The following DAB1 variants were observed in gnomAD, a reference collection of about 807,000 sequenced individuals.
The protein encoded by DAB1 is DAB adaptor protein 1, also known as disabled homolog 1.
A neutral mutation model predicts 64.6 loss-of-function variants in DAB1; 15 were observed. That is an observed-to-expected ratio of 0.23 (90% confidence interval 0.16 to 0.36). The LOEUF (loss-of-function observed/expected upper bound fraction) is 0.36, where lower values mean the gene tolerates loss of function less well. DAB1 is among the 10% of genes least tolerant of loss of function. DAB1 has a pLI of 1.00. For synonymous variants in DAB1, 235 were observed against 251.9 expected (o/e 0.93, Z 0.64); for missense variants, 596 against 706.7 (o/e 0.84, Z 1.78).
chr1:57,516,014 G>C (rs570006815), intron 7 of DAB1, among the ~76,000 whole-genome samples: 1 of 152,290 alleles, frequency 6.6e-6, no homozygotes, highest in South Asian at 2.1e-4. Flanking sequence ...AGTTGAATAC[G>C]TAAGTCATTT....
At chr1:58,082,371 A>G (rs532641615) in intron 5 of DAB1, among the ~76,000 whole-genome samples, 7 of 152,242 alleles carry the variant, frequency 4.6e-5, no homozygotes, top group African/African-American at 7.2e-5. Flanking sequence ...TAAGCATTAA[A>G]TGACTTATTA....
At chr1:58,543,009 C>G (rs937478830) in intron 1 of DAB1, among the ~76,000 whole-genome samples, 3 of 151,264 alleles carry the variant, frequency 2.0e-5, no homozygotes, top group Non-Finnish European at 4.4e-5. Context: ...AAAAGTGGAT[C>G]CACAGAAAAG....
At chr1:57,788,472 G>A (rs1025226161) in intron 6 of DAB1, among the ~76,000 whole-genome samples, 1 of 152,194 alleles carries the variant, frequency 6.6e-6, no homozygotes, top group Non-Finnish European at 1.5e-5. Context: ...TTCTACAAAA[G>A]GCAAAACTGT....
chr1:57,498,042 T>C (rs1200531251), intron 7 of DAB1, among the ~76,000 whole-genome samples: 1 of 152,180 alleles, frequency 6.6e-6, no homozygotes, highest in Non-Finnish European at 1.5e-5. Context: ...GATGAATGGA[T>C]GGATCAAGGT....
rs778551246 is a variant in DAB1 at position 57,187,279 on chromosome 1, A to AT, written c.68-41851dup. The stretch of plus-strand genomic sequence containing the variant: ...ACAACCAATAGGATCTCATTGCATG[A>AT]TTTTTTCTATTACCTATTTCCTTGC... On this transcript the variant is annotated intron_variant, in intron 2 of 14. Transcript: ENST00000371236. Among the ~76,000 whole-genome samples the AT allele has an allele frequency of 2.0e-4, 31 of 152,084 alleles. 2 individuals carry two copies. The highest frequency in any genetic ancestry group is 1.4e-3 in the Admixed American group (22 of 15,274).
chr1:58,161,683 A>C (rs1258310746), intron 4 of DAB1, among the ~76,000 whole-genome samples: 9 of 152,178 alleles, frequency 5.9e-5, no homozygotes, highest in Admixed American at 6.5e-5. Context: ...ACAAGTAAAT[A>C]CTGTCATCAT....
At chr1:57,507,508 A>G (rs1391589721) in intron 7 of DAB1, among the ~76,000 whole-genome samples, 1 of 152,138 alleles carries the variant, frequency 6.6e-6, no homozygotes, top group Non-Finnish European at 1.5e-5. Flanking sequence ...CAGGGTTTAC[A>G]TGTTTGGTGA....
chr1:58,038,822 A>C (rs1247018911), intron 5 of DAB1, among the ~76,000 whole-genome samples: 1 of 152,226 alleles, frequency 6.6e-6, no homozygotes, highest in Non-Finnish European at 1.5e-5. Context: ...TGCAAAGCTT[A>C]ATACATGTAG....
At chr1:58,097,361 T>A (rs912311109) in intron 5 of DAB1, among the ~76,000 whole-genome samples, 2 of 152,214 alleles carry the variant, frequency 1.3e-5, no homozygotes, top group Admixed American at 6.5e-5. Flanking sequence ...TCTGCCCTCA[T>A]GGAGCTTCCA....
intron 1 of DAB1, among the ~76,000 whole-genome samples, chr1:58,546,440 A>G (rs901669279): frequency 5.9e-5 from 9 of 151,692 alleles, no homozygotes; most frequent in African/African-American, 2.2e-4. Context: ...TGCCCCGGGC[A>G]AGGCTAGGGG....
At chr1:57,207,871 G>C (rs1277288153) in intron 2 of DAB1, among the ~76,000 whole-genome samples, 5 of 152,136 alleles carry the variant, frequency 3.3e-5, no homozygotes, top group Admixed American at 3.3e-4. Flanking sequence ...GTTTAATAAA[G>C]GCTCAGTTCA....
chr1:57,501,737 G>A (rs1644291810), intron 7 of DAB1, among the ~76,000 whole-genome samples: 1 of 152,142 alleles, frequency 6.6e-6, no homozygotes, highest in African/African-American at 2.4e-5. Context: ...AAAACAGCTG[G>A]AGAAAAGGCA....
At chr1:58,385,869 C>G (rs1269733196) in intron 3 of DAB1, among the ~76,000 whole-genome samples, 2 of 152,194 alleles carry the variant, frequency 1.3e-5, no homozygotes, top group Admixed American at 1.3e-4. Flanking sequence ...CTGCGTTAAT[C>G]AAATGTCAGA....
chr1:58,480,440 A>C (rs575596281), intron 3 of DAB1, among the ~76,000 whole-genome samples: 1 of 152,240 alleles, frequency 6.6e-6, no homozygotes, highest in Admixed American at 6.5e-5. Flanking sequence ...CCCTATGAAA[A>C]TGGCTTCTGC....
intron 1 of DAB1, among the ~76,000 whole-genome samples, chr1:57,298,181 A>G (rs1415413545): frequency 6.6e-6 from 1 of 152,120 alleles, no homozygotes; most frequent in Non-Finnish European, 1.5e-5. Context: ...CAATTTGGAA[A>G]AGGCCTAAAA....
intron 1 of DAB1, among the ~76,000 whole-genome samples, chr1:57,871,351 A>T (rs1053508932): frequency 6.6e-6 from 1 of 152,180 alleles, no homozygotes; most frequent in African/African-American, 2.4e-5. Flanking sequence ...TTATTTAATT[A>T]TCACATCAAT....
At chr1:58,165,424 T>C (rs1487249771) in intron 4 of DAB1, among the ~76,000 whole-genome samples, 1 of 152,134 alleles carries the variant, frequency 6.6e-6, no homozygotes, top group East Asian at 1.9e-4. Context: ...GTACATCCTT[T>C]TATCAGTCTG....
At position 57,551,955 on chromosome 1, in the gene DAB1, A is replaced by T. The variant is rs566627136; in HGVS notation, n.625+97637T>A. Reference sequence around the variant, plus strand: ...GAATGACTTCCCCTAGCAGAAAAAAATGCATTCACACTTTCAAACCAAGAG... The same window carrying T: ...GAATGACTTCCCCTAGCAGAAAAAATTGCATTCACACTTTCAAACCAAGAG... On this transcript the variant is annotated intron_variant and non_coding_transcript_variant, in intron 7 of 20. Transcript: ENST00000485760. Among the ~76,000 whole-genome samples, 3 of 152,312 alleles carry T rather than the reference A, an allele frequency of 2.0e-5. No individual in the cohort carries two copies. In the East Asian group the frequency reaches 5.8e-4, roughly 29 times the overall value.
chr1:57,381,009 G>A (rs567116639), intron 1 of DAB1, among the ~76,000 whole-genome samples: 1 of 152,132 alleles, frequency 6.6e-6, no homozygotes, highest in African/African-American at 2.4e-5. Context: ...GACTTCCAGA[G>A]AGAAGGAGTA....
Sources: gnomAD v4.1 joint callset for allele counts (sites outside exome capture counted in the v4.1 genomes callset) on GRCh38, gnomAD v4.1.1 for gene constraint, MANE v1.5 for transcripts, NCBI Gene and HGNC (gene_info 2026-07-23, HGNC 2026-07-21) for gene names.